Variants in MCF2 observed in about 807,000 individuals in gnomAD.
MCF2 encodes MCF.2 cell line derived transforming sequence.
A neutral mutation model predicts 82.5 loss-of-function variants in MCF2; 44 were observed. That is an observed-to-expected ratio of 0.53 (90% confidence interval 0.42 to 0.69). The LOEUF is 0.69. Ranked by LOEUF, MCF2 falls within the 30% of genes least tolerant of loss-of-function variation. MCF2 has a pLI of 0.00. For missense variants in MCF2, 623 were observed against 663.1 expected, an observed-to-expected ratio of 0.94 and a Z score of 0.66; for synonymous variants, 217 against 224.9, an observed-to-expected ratio of 0.96 and a Z score of 0.32.
At position 139,586,375 on chromosome X, in the gene MCF2, T is replaced by A. The variant is rs1928960938; in HGVS notation, c.2632+3A>T. 4.2e-6 allele frequency: 5 copies of A among 1,182,868 alleles called. No individual in the cohort carries two copies. The highest frequency in any genetic ancestry group is 5.7e-6 in the Non-Finnish European group (5 of 869,620). ...CTCGTCTTAAGATGACCATGACACA[T>A]ACCTGTATTTGCTTCTGCCTGAACT... On this transcript the variant is annotated splice_donor_region_variant and intron_variant, in intron 23 of 24. Coordinates refer to ENST00000370576, the Ensembl canonical transcript of MCF2.
chrX:139,689,738 A>G (rs1045819877), intron 1 of MCF2, among the ~76,000 whole-genome samples: 1 of 109,540 alleles, frequency 9.1e-6, no homozygotes, highest in South Asian at 3.9e-4. Flanking sequence ...ATTTGTGTGC[A>G]TCTCTCAAGA....
chrX:139,606,882 A>G (rs1931068851), intron 12 of MCF2, among the ~76,000 whole-genome samples: 1 of 110,773 alleles, frequency 9.0e-6, no homozygotes, highest in Non-Finnish European at 1.9e-5. Flanking sequence ...CTGTATATAT[A>G]TATATATGTA....
At chrX:139,599,521 T>C (rs961998684) in intron 16 of MCF2, among the ~76,000 whole-genome samples, 36 of 110,682 alleles carry the variant, frequency 3.3e-4, no homozygotes, top group African/African-American at 1.1e-3. Flanking sequence ...ACTCAATTTA[T>C]GTTATAAACA....
At chrX:139,604,840 A>T in intron 14 of MCF2, 29 bp downstream of exon 18, 1 of 1,083,658 alleles carries the variant, frequency 9.2e-7, no homozygotes, top group African/African-American at 1.8e-5. Flanking sequence ...TTTTATAAAA[A>T]ATAAATATTC....
At chrX:139,646,164 T>C (rs752174954), upstream of MCF2, among the ~76,000 whole-genome samples, 49 of 111,946 alleles carry the variant, frequency 4.4e-4, no homozygotes, top group African/African-American at 1.2e-3. Flanking sequence ...ATAGGTACAT[T>C]GTAAGTTTCA....
chrX:139,645,667 TA>T, upstream of MCF2: 1 of 1,025,135 alleles, frequency 9.8e-7, no homozygotes, highest in Non-Finnish European at 1.4e-6. Context: ...GCCTGAACGA[TA>T]AGAAGAAATA....
At chrX:139,645,638 C>T (rs200496643), upstream of MCF2, 33 of 1,186,415 alleles carry the variant, frequency 2.8e-5, no homozygotes, top group African/African-American at 3.5e-5. Flanking sequence ...AATGGTAAAC[C>T]GGGAGTCTGA....
intron 5 of MCF2, 120 bp downstream of exon 8, chrX:139,626,503 A>C: frequency 1.3e-6 from 1 of 763,498 alleles, no homozygotes; most frequent in Non-Finnish European, 1.9e-6. Context: ...CCTAGAAATA[A>C]GTTCTCAGAT....
At chrX:139,590,323 T>C (rs887920125) in intron 19 of MCF2, among the ~76,000 whole-genome samples, 3 of 111,449 alleles carry the variant, frequency 2.7e-5, no homozygotes, top group African/African-American at 9.7e-5. Flanking sequence ...TTTAGAATAA[T>C]CATTTGACAG....
intron 21 of MCF2, 113 bp downstream of exon 25, chrX:139,588,247 T>C: frequency 2.1e-6 from 1 of 481,784 alleles, no homozygotes; most frequent in South Asian, 4.7e-5. Context: ...ATCTTCTCAT[T>C]GTAATAGTAT....
At chrX:139,616,134 T>G in intron 9 of MCF2, 148 bp downstream of exon 12, 1 of 311,339 alleles carries the variant, frequency 3.2e-6, no homozygotes, top group Non-Finnish European at 5.7e-6. Flanking sequence ...ATTTGATGCT[T>G]GACAGTGGCA....
intron 16 of MCF2, 68 bp downstream of exon 20, chrX:139,602,337 AT>A: frequency 1.2e-6 from 1 of 859,887 alleles, no homozygotes; most frequent in East Asian, 3.1e-5. Context: ...TAGAAAATGA[AT>A]TTATAATTAA....
intron 6 of MCF2, among the ~76,000 whole-genome samples, chrX:139,620,273 T>G (rs1433421389): frequency 9.0e-6 from 1 of 110,714 alleles, no homozygotes; most frequent in African/African-American, 3.3e-5. Flanking sequence ...GAACTTGGAA[T>G]ATATTTTTAT....
intron 1 of MCF2, among the ~76,000 whole-genome samples, chrX:139,672,036 T>C (rs1934714082): frequency 8.9e-6 from 1 of 111,788 alleles, no homozygotes; most frequent in Non-Finnish European, 1.9e-5. Flanking sequence ...TCACATCCCT[T>C]GTAAGTTGGA....
rs111441443 is a variant in MCF2 at position 139,641,025 on chromosome X, A to T, written c.51+1443T>A. On this transcript the variant is annotated intron_variant, in intron 1 of 24. Coordinates refer to ENST00000370576, the Ensembl canonical transcript of MCF2. ...AGATTGAGAGTTCCTTCAGCCCAGT[A>T]GCCATTCCATATTTACCTTTGTAAC... Among the ~76,000 whole-genome samples, 362 of 110,263 alleles carry T rather than the reference A, an allele frequency of 3.3e-3. 1 individual carries two copies. The highest frequency in any genetic ancestry group is 0.014 in the Middle Eastern group (3 of 211).
intron 1 of MCF2, among the ~76,000 whole-genome samples, chrX:139,707,015 G>T (rs1392400748): frequency 9.1e-6 from 1 of 110,304 alleles, no homozygotes; most frequent in Non-Finnish European, 1.9e-5. Flanking sequence ...AGGAAATAAT[G>T]ATCCGATACA....
intron 1 of MCF2, among the ~76,000 whole-genome samples, chrX:139,676,702 T>G (rs1348371469): frequency 3.6e-5 from 4 of 112,093 alleles, no homozygotes; most frequent in African/African-American, 1.3e-4. Context: ...TTTTCATACA[T>G]GCAAAGCACT....
At chrX:139,675,905 A>G (rs1421259181) in intron 1 of MCF2, among the ~76,000 whole-genome samples, 1 of 112,824 alleles carries the variant, frequency 8.9e-6, no homozygotes, top group African/African-American at 3.2e-5. Flanking sequence ...GCTGCCTTTT[A>G]TTCAGCTATG....
Position 139,607,342 on chromosome X carries a change from T to C in MCF2, c.1490+349A>G, listed in dbSNP as rs141148661. The C allele has an allele frequency of 7.5e-5, 9 of 120,723 alleles. No individual in the cohort carries two copies. In the East Asian group the frequency reaches 2.3e-3, roughly 30 times the overall value. 9.9% of individuals were successfully genotyped at this position (120,723 alleles called of 1,213,427 possible). A position where few individuals can be genotyped will look rare whatever the true frequency, so the allele number is the denominator to read the frequency against. The stretch of plus-strand genomic sequence containing the variant: ...CTACCATGATTTGATCATTATACAT[T>C]GTACACATGTATCAAAATTTCACAC... On this transcript the variant is annotated intron_variant, in intron 12 of 24. Transcript: ENST00000370576.
Sources: gnomAD v4.1 joint callset for allele counts (sites outside exome capture counted in the v4.1 genomes callset) on GRCh38, gnomAD v4.1.1 for gene constraint, MANE v1.5 for transcripts, NCBI Gene and HGNC (gene_info 2026-07-23, HGNC 2026-07-21) for gene names.